HIVEP3: variants seen among roughly 807,000 people sequenced by gnomAD.
HIVEP3 encodes HIVEP zinc finger 3, also known as transcription factor HIVEP3.
In HIVEP3, 49 loss-of-function variants were observed where a neutral mutation model predicts 152.8. The observed-to-expected ratio is 0.32, with a 90% CI of 0.26 to 0.41. The LOEUF is 0.41. Ranked by LOEUF, HIVEP3 falls within the 10% of genes least tolerant of loss-of-function variation. HIVEP3 has a pLI of 1.00. For missense variants in HIVEP3, 2,790 were observed against 3,103.3 expected (o/e 0.90, Z 2.40); for synonymous variants, 1,269 against 1,289.0 (o/e 0.98, Z 0.33).
intron 2 of HIVEP3, among the ~76,000 whole-genome samples, chr1:41,653,026 T>C (rs1558150488): frequency 9.1e-6 from 1 of 109,616 alleles, no homozygotes; most frequent in African/African-American, 3.3e-5. Context: ...ATAAAAGAAA[T>C]TAAGCTAACA....
At chr1:42,033,920 C>A (rs1187574712) in intron 1 of HIVEP3, among the ~76,000 whole-genome samples, 1 of 152,166 alleles carries the variant, frequency 6.6e-6, no homozygotes, top group Non-Finnish European at 1.5e-5. Context: ...AGCAACTGGG[C>A]CTCAATTTCA....
intron 1 of HIVEP3, among the ~76,000 whole-genome samples, chr1:41,828,422 G>T (rs1355984969): frequency 1.3e-5 from 2 of 152,220 alleles, no homozygotes; most frequent in Non-Finnish European, 2.9e-5. Context: ...AATGGCATTA[G>T]CTACTTCAGT....
chr1:41,742,076 T>C (rs1281084661), intron 1 of HIVEP3, among the ~76,000 whole-genome samples: 8 of 152,348 alleles, frequency 5.3e-5, no homozygotes, highest in African/African-American at 1.2e-4. Flanking sequence ...CCATTGTGAA[T>C]TGGACCCTGA....
At chr1:41,736,746 T>G (rs565179985) in intron 1 of HIVEP3, among the ~76,000 whole-genome samples, 55 of 152,330 alleles carry the variant, frequency 3.6e-4, no homozygotes, top group African/African-American at 1.3e-3. Flanking sequence ...GATGATCACA[T>G]GTGTGTCCTT....
Position 41,978,184 on chromosome 1 carries a change from G to T in HIVEP3, n.119+57623C>A, listed in dbSNP as rs1046473872. On this transcript the variant is annotated intron_variant and non_coding_transcript_variant, in intron 1 of 3. Transcript: ENST00000489103. The stretch of plus-strand genomic sequence containing the variant: ...GCTGGTGCCTCAGCCTCTCAGGAAG[G>T]TCCTAAGGAATCCACTAGGTTGGAG... Among the ~76,000 whole-genome samples the T allele has an allele frequency of 3.3e-5, 5 of 152,120 alleles. No individual in the cohort carries two copies. The East Asian group carries it at 5.8e-4, about 18-fold the overall frequency.
rs199670459 is a variant in HIVEP3, at chr1:41,512,967, G to A, written c.6254C>T (p.Pro2085Leu). The change falls in exon 8 of 9, where the codon CCG becomes CTG. Residue 2085 changes from proline to leucine, a missense_variant. Transcript: ENST00000372583. ...CCCAGCCAAGGCCCACTTCCCTGGC[G>A]GCGCTGACCGTGGTGGTGACTCGGC... Reference protein sequence around the residue: ...GQAESPPRSAPPGKWALAGPG... With the variant: ...GQAESPPRSALPGKWALAGPG... 1.7e-5 allele frequency: 27 copies of A among 1,611,890 alleles called. No homozygotes were observed. In the Middle Eastern group the frequency reaches 2.2e-3, roughly 130 times the overall value.
chr1:41,587,833 T>C (rs1309152425), intron 3 of HIVEP3, among the ~76,000 whole-genome samples: 1 of 152,148 alleles, frequency 6.6e-6, no homozygotes, highest in Non-Finnish European at 1.5e-5. Flanking sequence ...TAATAGAAGT[T>C]CTCTGTGGCT....
chr1:41,828,717 G>C (rs537048367), intron 1 of HIVEP3, among the ~76,000 whole-genome samples: 1 of 152,308 alleles, frequency 6.6e-6, no homozygotes, highest in Admixed American at 6.5e-5. Flanking sequence ...CAGGTGCCTT[G>C]CCCGAGACCT....
At chr1:41,806,961 A>G (rs1650661303) in intron 1 of HIVEP3, among the ~76,000 whole-genome samples, 1 of 152,130 alleles carries the variant, frequency 6.6e-6, no homozygotes, top group South Asian at 2.1e-4. Context: ...AGTCATCATT[A>G]GGTCACTGGG....
chr1:41,871,761 C>T (rs1469420593), intron 1 of HIVEP3, among the ~76,000 whole-genome samples: 1 of 152,116 alleles, frequency 6.6e-6, no homozygotes, highest in African/African-American at 2.4e-5. Flanking sequence ...TTTCATAGAA[C>T]AACCTTCAAT....
Position 41,510,758 on chromosome 1 carries a change from G to T in HIVEP3, c.6914C>A (p.Thr2305Lys). The T allele has an allele frequency of 6.3e-7, 1 of 1,591,972 alleles. No individual in the cohort carries two copies. The highest frequency in any genetic ancestry group is 1.3e-5 in the African/African-American group (1 of 74,620). ...GTCGGGTGGGGTGCAGGGGCTGTGC[G>T]TGGGTGTGGGCTCTGCAGGTGCCCC... ...GTGAPAEPTP[T>K]HSPCTPPDTL... is the part of the protein sequence containing the mutation. The change falls in exon 9 of 9, where the codon ACG becomes AAG. Residue 2305 changes from threonine to lysine, a missense_variant. Transcript: ENST00000372583.
At chr1:41,909,225 C>T (rs1029204859) in intron 1 of HIVEP3, among the ~76,000 whole-genome samples, 1 of 151,974 alleles carries the variant, frequency 6.6e-6, no homozygotes, top group Non-Finnish European at 1.5e-5. Context: ...AGTGTATTTG[C>T]AAGCAAACAA....
chr1:41,659,930 C>G (rs886162495), intron 2 of HIVEP3, among the ~76,000 whole-genome samples: 1 of 152,228 alleles, frequency 6.6e-6, no homozygotes. Flanking sequence ...ATAGCTGCAG[C>G]CTAGAACACA....
At chr1:41,982,333 T>C (rs567786407) in intron 1 of HIVEP3, among the ~76,000 whole-genome samples, 16 of 152,330 alleles carry the variant, frequency 1.1e-4, no homozygotes, top group African/African-American at 3.6e-4. Context: ...AGCAGTTTAA[T>C]GGCATTGATG....
In HIVEP3 at chr1:41,510,038, AC is replaced by A. The variant is rs1209134417; in HGVS notation, c.*412del. The stretch of plus-strand genomic sequence containing the variant: ...TCTGTACACAGGAGTGCTTCCTTTT[AC>A]ATTTAATTCTATATTGTTTGAAGTT... On this transcript the variant is annotated 3_prime_UTR_variant, in exon 9 of 9. Coordinates refer to ENST00000372583, the MANE Select transcript of HIVEP3 (RefSeq NM_024503.5). The A allele has an allele frequency of 6.4e-6, 1 of 155,390 alleles. No homozygotes were observed. The highest frequency in any genetic ancestry group is 2.4e-5 in the African/African-American group (1 of 41,502). 9.6% of individuals were successfully genotyped at this position (155,390 alleles called of 1,614,324 possible).
chr1:41,815,730 G>A (rs996696718), intron 1 of HIVEP3, among the ~76,000 whole-genome samples: 2 of 151,362 alleles, frequency 1.3e-5, no homozygotes, highest in Non-Finnish European at 1.5e-5. Context: ...AACAAGTGCC[G>A]TAGGAATCGA....
At chr1:41,960,202 A>G (rs1196186050) in intron 1 of HIVEP3, among the ~76,000 whole-genome samples, 1 of 152,214 alleles carries the variant, frequency 6.6e-6, no homozygotes, top group Non-Finnish European at 1.5e-5. Flanking sequence ...GAATCTAGAA[A>G]GGGTAGCAGA....
At chr1:41,766,836 C>A (rs1481261014) in intron 1 of HIVEP3, among the ~76,000 whole-genome samples, 1 of 152,218 alleles carries the variant, frequency 6.6e-6, no homozygotes, top group African/African-American at 2.4e-5. Flanking sequence ...CTTGTGGAAG[C>A]CATGTCAAGA....
chr1:41,858,275 C>T (rs916229795), intron 1 of HIVEP3, among the ~76,000 whole-genome samples: 6 of 152,108 alleles, frequency 3.9e-5, no homozygotes, highest in Admixed American at 6.5e-5. Flanking sequence ...CCTTCTAGGC[C>T]GGTGATCCCC....
Sources: gnomAD v4.1 joint callset for allele counts (sites outside exome capture counted in the v4.1 genomes callset) on GRCh38, gnomAD v4.1.1 for gene constraint, MANE v1.5 for transcripts, NCBI Gene and HGNC (gene_info 2026-07-23, HGNC 2026-07-21) for gene names.